The following FUBP3 variants were observed in gnomAD, a reference collection of about 807,000 sequenced individuals.
The protein encoded by FUBP3 is far upstream element-binding protein 3.
A neutral mutation model predicts 85.6 loss-of-function variants in FUBP3; 28 were observed. That is an observed-to-expected ratio of 0.33 (90% confidence interval 0.24 to 0.45). The LOEUF is 0.45. Among genes scored for constraint, FUBP3 ranks in the 20% least tolerant of loss-of-function variants. The probability of loss-of-function intolerance (pLI) is 1.00; values close to 1 mark genes in which losing one functional copy is unlikely to be tolerated. For missense variants in FUBP3, 583 were observed against 755.1 expected (o/e 0.77, Z 2.67); for synonymous variants, 271 against 271.4 (o/e 1.00, Z 0.01).
At chr9:130,598,609 C>T (rs1749206742) in intron 2 of FUBP3, among the ~76,000 whole-genome samples, 1 of 152,242 alleles carries the variant, frequency 6.6e-6, no homozygotes, top group South Asian at 2.1e-4. Flanking sequence ...GCAATCATCC[C>T]TATTTGGCCT....
At position 130,616,395 on chromosome 9, in the gene FUBP3, C is replaced by G; in HGVS notation, c.445C>G (p.Arg149Gly). Residue 149 changes from arginine to glycine, a missense_variant, in exon 7 of 19, where the codon CGA becomes GGA. Transcript: ENST00000319725. This position sits in a 1 kb window ranked among gnomAD's most constrained non-coding sequence, Gnocchi z 4.7. Reference sequence around the variant, plus strand: ...CCTGGGACAGATTGTGGACCGCTGTCGAAATGGACCTGGCTTTCATAATGA... The same window carrying G: ...CCTGGGACAGATTGTGGACCGCTGTGGAAATGGACCTGGCTTTCATAATGA... ...RLLGQIVDRC[R>G]NGPGFHNDID... 1.2e-6 allele frequency: 2 copies of G among 1,614,082 alleles called. No homozygotes were observed. Among genetic ancestry groups the G allele is most frequent in the Middle Eastern group, 1.6e-4 (1 of 6,062 alleles).
At chr9:130,619,354 C>T (rs962393527) in intron 8 of FUBP3, among the ~76,000 whole-genome samples, 1 of 149,630 alleles carries the variant, frequency 6.7e-6, no homozygotes, top group South Asian at 2.1e-4. Flanking sequence ...ACTTAGGGCA[C>T]CTATGTATCT....
chr9:130,584,256 G>A (rs922940442), intron 1 of FUBP3, among the ~76,000 whole-genome samples: 4 of 152,136 alleles, frequency 2.6e-5, no homozygotes, highest in African/African-American at 7.2e-5. Flanking sequence ...GGCTGGGCAC[G>A]GTGGCTTACA....
In FUBP3 at chr9:130,622,795, A is replaced by T; in HGVS notation, c.859A>T (p.Ile287Phe). The T allele has an allele frequency of 6.5e-7, 1 of 1,543,676 alleles. No homozygotes were observed. ...KKIQNDAGVRIQFKPDDGISP... is the reference protein window; with the variant it reads ...KKIQNDAGVRFQFKPDDGISP... ...GATCCAGAATGATGCTGGTGTGAGG[A>T]TTCAGTTTAAACCAGGTGGGTATGA... Residue 287 changes from isoleucine (I) to phenylalanine (F), a missense_variant, in exon 10 of 19, where the codon ATT (isoleucine) becomes TTT (phenylalanine). Ile to Phe is a conservative substitution (Grantham distance 21). Coordinates refer to ENST00000319725, the MANE Select transcript of FUBP3 (RefSeq NM_003934.2).
chr9:130,634,337 G>T (rs1588170682), intron 16 of FUBP3, among the ~76,000 whole-genome samples: 1 of 152,260 alleles, frequency 6.6e-6, no homozygotes, highest in Admixed American at 6.5e-5. Context: ...AGAGTGGTCA[G>T]CAGCCTCTGG....
At chr9:130,626,193 G>C in intron 11 of FUBP3, 171 bp from the exon 12 acceptor site, 1 of 639,238 alleles carries the variant, frequency 1.6e-6, no homozygotes, top group East Asian at 2.8e-5. Flanking sequence ...ACCTGTGATC[G>C]GTGTTAATTC....
At chr9:130,603,347 C>CAAAAAAAAAAAAAA (rs34850259) in intron 2 of FUBP3, among the ~76,000 whole-genome samples, 1 of 83,818 alleles carries the variant, frequency 1.2e-5, no homozygotes, top group Non-Finnish European at 2.3e-5. Context: ...ACTCTGTCTC[C>CAAAAAAAAAAAAAA]AAAAAAAAAA....
chr9:130,591,374 C>T (rs1830620159), intron 1 of FUBP3, among the ~76,000 whole-genome samples: 1 of 152,088 alleles, frequency 6.6e-6, no homozygotes, highest in East Asian at 1.9e-4. Context: ...ATCCAGGAGG[C>T]AGAGGTTGCA....
rs1831808972 is a variant in FUBP3 at position 130,612,728 on chromosome 9, C to T, written c.274+223C>T. On this transcript the variant is annotated intron_variant, in intron 4 of 18. Transcript: ENST00000319725. The surrounding 1 kb of genome is among the most constrained non-coding windows in gnomAD (Gnocchi z 4.1). ...AGCACTGGACTGTGGATGTCCCTCC[C>T]TTCCCCACCTCTCCCCACCTCAGCT... Among the ~76,000 whole-genome samples the T allele has an allele frequency of 2.6e-5, 4 of 152,160 alleles. No individual in the cohort carries two copies. The South Asian group carries it at 8.3e-4, about 32-fold the overall frequency.
Position 130,585,743 on chromosome 9 carries a change from C to T in FUBP3, c.84+5979C>T, listed in dbSNP as rs528734467. ...ACCAAATCACATTCTGTGCATCAAA[C>T]GTCAGGAAATGTGGAGCTAGATAAT... On this transcript the variant is annotated intron_variant, in intron 1 of 18. Transcript: ENST00000319725. 3.3e-4 allele frequency among the ~76,000 whole-genome samples: 51 copies of T among 152,308 alleles called. 1 individual carries two copies. The highest frequency in any genetic ancestry group is 6.8e-3 in the Middle Eastern group (2 of 294).
intron 5 of FUBP3, 67 bp downstream of exon 5, chr9:130,613,094 C>A: frequency 1.0e-6 from 1 of 986,964 alleles, no homozygotes; most frequent in Non-Finnish European, 1.6e-6. Context: ...TTTCCAGATT[C>A]GGTACTTTGC....
intron 12 of FUBP3, among the ~76,000 whole-genome samples, chr9:130,628,725 T>A (rs1366934484): frequency 6.6e-6 from 1 of 152,198 alleles, no homozygotes; most frequent in Non-Finnish European, 1.5e-5. Flanking sequence ...GAGTCTTACG[T>A]GTGCCTGTGG....
chr9:130,624,884 G>A (rs559488095), intron 11 of FUBP3, among the ~76,000 whole-genome samples: 12 of 152,046 alleles, frequency 7.9e-5, no homozygotes, highest in Non-Finnish European at 1.6e-4. Context: ...TCAGGAGTTC[G>A]AGACCAGCCT....
chr9:130,602,850 C>T (rs1221687659), intron 2 of FUBP3, among the ~76,000 whole-genome samples: 1 of 152,072 alleles, frequency 6.6e-6, no homozygotes, highest in Non-Finnish European at 1.5e-5. Flanking sequence ...CTCCTGTCTG[C>T]CCTCTTCCCT....
intron 16 of FUBP3, among the ~76,000 whole-genome samples, chr9:130,633,838 T>C (rs1830310622): frequency 2.6e-5 from 4 of 152,172 alleles, no homozygotes; most frequent in Admixed American, 2.6e-4. Context: ...AGTGAACTAG[T>C]GGAGAAAGCA....
chr9:130,586,932 G>A (rs548051296), intron 1 of FUBP3, among the ~76,000 whole-genome samples: 1 of 151,928 alleles, frequency 6.6e-6, no homozygotes, highest in East Asian at 1.9e-4. Context: ...TGTATTTTTA[G>A]TGAAGACGGG....
Position 130,620,340 on chromosome 9 carries a change from T to C in FUBP3, c.667-14T>C, listed in dbSNP as rs1184072095. The C allele has an allele frequency of 1.4e-6, 2 of 1,458,794 alleles. No individual in the cohort carries two copies. Among genetic ancestry groups the C allele is most frequent in the Non-Finnish European group, 1.9e-6 (2 of 1,062,966 alleles). The allele number at this position is 1,458,794 out of a possible 1,614,324, so 90.4% of individuals were successfully genotyped here. A position where few individuals can be genotyped will look rare whatever the true frequency, so the allele number is the denominator to read the frequency against. ...AATTTTTTCTCATAATGCTTTTTGT[T>C]TGTGTTTATGCAGCAAGCAAGAGAA... is the stretch of plus-strand genomic sequence containing the variant. On this transcript the variant is annotated splice_polypyrimidine_tract_variant and intron_variant, in intron 8 of 18. Transcript: ENST00000319725.
At chr9:130,621,513 T>A (rs1217427156) in intron 9 of FUBP3, among the ~76,000 whole-genome samples, 1 of 152,232 alleles carries the variant, frequency 6.6e-6, no homozygotes, top group Admixed American at 6.5e-5. Context: ...GTGTGTTTAT[T>A]GGAAGGCAAA....
intron 1 of FUBP3, among the ~76,000 whole-genome samples, chr9:130,585,654 A>G (rs1205020098): frequency 2.0e-5 from 3 of 152,254 alleles, no homozygotes; most frequent in South Asian, 2.1e-4. Context: ...TAACTCCTAC[A>G]GGGTTTAGGG....
Sources: allele counts gnomAD v4.1 joint callset (sites outside exome capture counted in the v4.1 genomes callset), GRCh38; gene constraint gnomAD v4.1.1; non-coding constraint Gnocchi (gnomAD v3.1); transcripts MANE v1.5; gene names NCBI Gene and HGNC (gene_info 2026-07-23, HGNC 2026-07-21).